Variants in TOM1L1 observed in about 807,000 individuals in gnomAD.
The protein encoded by TOM1L1 is TOM1-like protein 1.
In TOM1L1, 64 loss-of-function variants were observed where a neutral mutation model predicts 63.4. That is an observed-to-expected ratio of 1.01 (90% CI 0.83 to 1.24). The LOEUF is 1.24. Ranked by LOEUF, TOM1L1 falls within the 50% of genes most tolerant of loss-of-function variation. TOM1L1 has a pLI of 0.00. For missense variants in TOM1L1, 536 were observed against 567.0 expected (o/e 0.95, Z 0.55); for synonymous variants, 166 against 194.4 (o/e 0.85, Z 1.22).
At chr17:54,905,772 A>G (rs796393114) in intron 3 of TOM1L1, among the ~76,000 whole-genome samples, 28 of 152,352 alleles carry the variant, frequency 1.8e-4, no homozygotes, top group African/African-American at 6.7e-4. Context: ...ATTTAATAGC[A>G]TTTAATTTCA....
intron 1 of TOM1L1, 80 bp from the exon 2 acceptor site, chr17:54,903,628 C>A: frequency 7.9e-7 from 1 of 1,269,582 alleles, no homozygotes; most frequent in Non-Finnish European, 1.1e-6. Context: ...CTTGCTGGTG[C>A]AGCCTAGGCA....
intron 6 of TOM1L1, among the ~76,000 whole-genome samples, 197 bp from the exon 7 acceptor site, chr17:54,915,549 C>T (rs1229132157): frequency 6.6e-6 from 1 of 151,994 alleles, no homozygotes; most frequent in Non-Finnish European, 1.5e-5. Flanking sequence ...CAAGAGATCT[C>T]AAGTCCTTTT....
intron 14 of TOM1L1, chr17:54,959,151 ACAT>A (rs1354972391): frequency 6.6e-6 from 1 of 152,192 alleles, no homozygotes; most frequent in African/African-American, 2.4e-5. Flanking sequence ...TTTTAGGGAA[ACAT>A]TAAAATTGTA....
intron 1 of TOM1L1, among the ~76,000 whole-genome samples, chr17:54,901,872 A>T (rs184789693): frequency 6.6e-6 from 1 of 152,112 alleles, no homozygotes; most frequent in Non-Finnish European, 1.5e-5. Flanking sequence ...AGTAGCTACC[A>T]TTGAGGAGAT....
At position 54,905,491 on chromosome 17, in the gene TOM1L1, C is replaced by T. The variant is rs758373066; in HGVS notation, c.146C>T (p.Pro49Leu). The T allele has an allele frequency of 6.2e-7, 1 of 1,609,166 alleles. No homozygotes were observed. Among genetic ancestry groups the T allele is most frequent in the South Asian group, 1.1e-5 (1 of 90,054 alleles). Residue 49 changes from proline to leucine, a missense_variant and splice_region_variant, in exon 3 of 16, where the codon CCA becomes CTA. By Grantham distance (98) the Pro-to-Leu change is moderately conservative (BLOSUM62 -3). Transcript: ENST00000575882. Reference sequence around the variant, plus strand: ...TTTCAGTGTATTTATTGCTATAGGCCAAAAGATGCAGTGAAAGCTTTGAAG... The same window carrying T: ...TTTCAGTGTATTTATTGCTATAGGCTAAAAGATGCAGTGAAAGCTTTGAAG... ...CDIINTTQDGPKDAVKALKKR... is the reference protein window; with the variant it reads ...CDIINTTQDGLKDAVKALKKR...
chr17:54,925,928 AAGC>A (rs1403613883), intron 7 of TOM1L1, among the ~76,000 whole-genome samples: 5 of 133,500 alleles, frequency 3.7e-5, no homozygotes, highest in Admixed American at 3.6e-4. Flanking sequence ...ACAAAAAAAA[AAGC>A]AGCCTGTATA....
chr17:54,901,294 T>G, intron 1 of TOM1L1: 1 of 278,192 alleles, frequency 3.6e-6, no homozygotes, highest in Non-Finnish European at 6.9e-6. Context: ...ACGGTATTGT[T>G]ATGCCCGTTT....
Position 54,949,610 on chromosome 17 carries a change from C to T in TOM1L1, c.1275C>T (p.Pro425=). The stretch of plus-strand genomic sequence containing the variant: ...CAAACCAGAGTCTGCCACCTTTGCC[C>T]AGCAATCATCCAGGTACATGGGACC... ...APSNQSLPPL[P]SNHPAMTKSD... is the part of the protein sequence containing the mutation. The change falls in exon 13 of 16, where the codon CCC becomes CCT. Residue 425 remains proline (P), a synonymous_variant. Transcript: ENST00000575882. 1 of 1,613,320 alleles carries T rather than the reference C, an allele frequency of 6.2e-7. No individual in the cohort carries two copies. The highest frequency in any genetic ancestry group is 1.1e-5 in the South Asian group (1 of 91,048).
At chr17:54,960,364 CA>C (rs992887896) in intron 14 of TOM1L1, among the ~76,000 whole-genome samples, 1 of 147,760 alleles carries the variant, frequency 6.8e-6, no homozygotes, top group Non-Finnish European at 1.5e-5. Context: ...GACTCTGTCT[CA>C]AAAAAAAAGA....
chr17:54,920,220 G>A (rs2048661544), intron 7 of TOM1L1, among the ~76,000 whole-genome samples: 1 of 152,078 alleles, frequency 6.6e-6, no homozygotes. Context: ...CATCAGCAGG[G>A]TGGCACCCAC....
chr17:54,904,562 T>A (rs149303522), intron 2 of TOM1L1, among the ~76,000 whole-genome samples: 1 of 152,332 alleles, frequency 6.6e-6, no homozygotes, highest in African/African-American at 2.4e-5. Flanking sequence ...TTTTCCTCCC[T>A]GTCCCAGGAC....
intron 8 of TOM1L1, among the ~76,000 whole-genome samples, chr17:54,931,704 G>T (rs1044387787): frequency 6.6e-6 from 1 of 152,154 alleles, no homozygotes; most frequent in Non-Finnish European, 1.5e-5. Flanking sequence ...TTAGGAGGCT[G>T]AGGTGGGAGC....
rs2077122814 is a variant in TOM1L1 at position 54,961,440 on chromosome 17, T to C, written c.*207T>C. ...CAACAGCGTGAGATTTCAACAGAAC[T>C]TGTTTGGAACAAATACTCACTTAAA... On this transcript the variant is annotated 3_prime_UTR_variant, in exon 16 of 16. Coordinates refer to ENST00000575882, the MANE Select transcript of TOM1L1 (RefSeq NM_005486.3). 12 of 1,502,632 alleles carry C rather than the reference T, an allele frequency of 8.0e-6. No homozygotes were observed. Among genetic ancestry groups the C allele is most frequent in the Non-Finnish European group, 9.8e-6 (11 of 1,127,014 alleles). 93.1% of individuals were successfully genotyped at this position (1,502,632 alleles called of 1,614,324 possible).
At chr17:54,929,938 A>T in intron 7 of TOM1L1, 135 bp from the exon 8 acceptor site, 1 of 997,944 alleles carries the variant, frequency 1.0e-6, no homozygotes, top group Non-Finnish European at 1.5e-6. Flanking sequence ...AGCTGTTTAT[A>T]GTTAAGTACT....
At chr17:54,956,745 A>C (rs1480439399) in intron 14 of TOM1L1, 2 of 152,188 alleles carry the variant, frequency 1.3e-5, no homozygotes, top group Non-Finnish European at 2.9e-5. Context: ...ATAACCAACC[A>C]AGAATGCAGG....
intron 7 of TOM1L1, among the ~76,000 whole-genome samples, chr17:54,921,561 A>G (rs1350559900): frequency 6.6e-6 from 1 of 151,866 alleles, no homozygotes; most frequent in Non-Finnish European, 1.5e-5. Flanking sequence ...CCAACATGTG[A>G]AACTTTGTCT....
intron 7 of TOM1L1, among the ~76,000 whole-genome samples, chr17:54,925,141 T>C (rs1049791086): frequency 1.3e-5 from 2 of 152,228 alleles, no homozygotes; most frequent in Admixed American, 1.3e-4. Context: ...AAATACTGTT[T>C]ATTTAGTAAG....
intron 9 of TOM1L1, 21 bp downstream of exon 9, chr17:54,936,730 T>C (rs1567834758): frequency 2.5e-6 from 4 of 1,589,030 alleles, no homozygotes; most frequent in Non-Finnish European, 3.4e-6. Flanking sequence ...AGAAATGTTA[T>C]AAAATAAACA....
At chr17:54,943,354 CCT>C (rs2049061462) in intron 11 of TOM1L1, among the ~76,000 whole-genome samples, 1 of 149,802 alleles carries the variant, frequency 6.7e-6, no homozygotes, top group Non-Finnish European at 1.5e-5. Context: ...TTTTCTGTTT[CCT>C]TTTTCCTGCT....
Sources: allele counts gnomAD v4.1 joint callset (sites outside exome capture counted in the v4.1 genomes callset), GRCh38; gene constraint gnomAD v4.1.1; transcripts MANE v1.5; gene names NCBI Gene and HGNC (gene_info 2026-07-23, HGNC 2026-07-21).